IDI1: variants seen among roughly 807,000 people sequenced by gnomAD.
IDI1 encodes the protein isopentenyl-diphosphate delta isomerase 1, also known as isopentenyl-diphosphate Delta-isomerase 1.
Under a neutral mutation model 32.9 loss-of-function variants are expected in IDI1, and 23 were observed. That is an observed-to-expected ratio of 0.70 (90% CI 0.50 to 0.99). The LOEUF is 0.99. IDI1 is among the 50% of genes least tolerant of loss of function. The pLI is 0.00. For missense variants in IDI1, 326 were observed against 351.9 expected, an observed-to-expected ratio of 0.93 and a Z score of 0.59; for synonymous variants, 133 against 128.2, an observed-to-expected ratio of 1.04 and a Z score of -0.25.
At position 1,049,102 on chromosome 10, in the gene IDI1, C is replaced by G. The variant is rs1354846705; in HGVS notation, c.-99G>C. On this transcript the variant is annotated 5_prime_UTR_variant, in exon 1 of 5. Transcript: ENST00000381344. ...CTGGCCTGTGACAACGGCAGACGCG[C>G]GAAGCACCGGGAACCTGAGCCGTGA... 12 of 1,405,362 alleles carry G rather than the reference C, an allele frequency of 8.5e-6. No homozygotes were observed. The highest frequency in any genetic ancestry group is 6.4e-5 in the Admixed American group (2 of 31,462). 87.1% of individuals were successfully genotyped at this position (1,405,362 alleles called of 1,614,324 possible).
intron 2 of IDI1, chr10:1,043,659 A>G (rs1832693746): frequency 1.5e-6 from 1 of 650,322 alleles, no homozygotes; most frequent in African/African-American, 1.8e-5. Flanking sequence ...CAGTTCTCGG[A>G]AAGTGGTGAA....
intron 1 of IDI1, among the ~76,000 whole-genome samples, chr10:1,046,227 C>T (rs943259084): frequency 3.9e-5 from 6 of 152,158 alleles, no homozygotes; most frequent in Non-Finnish European, 7.4e-5. Flanking sequence ...GATGGTGTTT[C>T]GGTACACTAC....
chr10:1,042,407 A>T, intron 4 of IDI1: 1 of 460,294 alleles, frequency 2.2e-6, no homozygotes, highest in South Asian at 2.1e-5. Context: ...AACCTTATAT[A>T]GTGCTTAACA....
upstream of IDI1, among the ~76,000 whole-genome samples, chr10:1,049,889 G>A (rs772224357): frequency 2.8e-4 from 43 of 152,194 alleles, no homozygotes; most frequent in African/African-American, 4.6e-4. Context: ...CTGACCTCAA[G>A]TGATCCACCT....
upstream of IDI1, among the ~76,000 whole-genome samples, chr10:1,052,045 G>C (rs1180862429): frequency 6.6e-6 from 1 of 152,116 alleles, no homozygotes; most frequent in Non-Finnish European, 1.5e-5. Context: ...GCTAATTTTT[G>C]TATTATTAGT....
upstream of IDI1, among the ~76,000 whole-genome samples, chr10:1,054,027 TA>T (rs1176425898): frequency 2.0e-5 from 3 of 152,236 alleles, no homozygotes; most frequent in East Asian, 1.9e-4. Flanking sequence ...CTGTCTTATA[TA>T]GGGGTGGTTC....
At position 1,043,698 on chromosome 10, in the gene IDI1, C is replaced by G. The variant is rs997801298; in HGVS notation, c.313+301G>C. 2.3e-5 allele frequency: 15 copies of G among 640,384 alleles called. No individual in the cohort carries two copies. In the African/African-American group the frequency reaches 2.7e-4, roughly 11 times the overall value. The allele number at this position is 640,384 out of a possible 1,614,324, so 39.7% of individuals were successfully genotyped here. A position where few individuals can be genotyped will look rare whatever the true frequency, so the allele number is the denominator to read the frequency against. Reference sequence around the variant, plus strand: ...ACATGCTTCCCTGCATGGTGCCCGCCTCTCTCCACTCTCTAGAAATATTAG... The same window carrying G: ...ACATGCTTCCCTGCATGGTGCCCGCGTCTCTCCACTCTCTAGAAATATTAG... On this transcript the variant is annotated intron_variant, in intron 2 of 4. Transcript: ENST00000381344.
chr10:1,048,805 G>A, intron 1 of IDI1, 59 bp downstream of exon 1: 6 of 1,565,260 alleles, frequency 3.8e-6, no homozygotes, highest in Non-Finnish European at 5.2e-6. Flanking sequence ...GCCCCGTCCC[G>A]CAGCTCCCCG....
chr10:1,043,976 G>GA, intron 2 of IDI1, 23 bp downstream of exon 2: 1 of 1,600,576 alleles, frequency 6.2e-7, no homozygotes, highest in Non-Finnish European at 8.5e-7. Context: ...CGCTTTACAA[G>GA]AAAGACTGTT....
In IDI1 at chr10:1,043,295, A is replaced by C; in HGVS notation, c.406+6T>G. Reference sequence around the variant, plus strand: ...ACACAATATTGTACATTAAAAGTGTACTAACCTGGAAAGGTAATCTTAGCA... The same window carrying C: ...ACACAATATTGTACATTAAAAGTGTCCTAACCTGGAAAGGTAATCTTAGCA... On this transcript the variant is annotated splice_donor_region_variant and intron_variant, in intron 3 of 4. Transcript: ENST00000381344. 1 of 1,530,218 alleles carries C rather than the reference A, an allele frequency of 6.5e-7. No individual in the cohort carries two copies. Among genetic ancestry groups the C allele is most frequent in the Non-Finnish European group, 9.1e-7 (1 of 1,104,810 alleles). 94.8% of individuals were successfully genotyped at this position (1,530,218 alleles called of 1,614,324 possible).
upstream of IDI1, among the ~76,000 whole-genome samples, chr10:1,051,814 A>G (rs1245525331): frequency 6.6e-6 from 1 of 152,240 alleles, no homozygotes; most frequent in Non-Finnish European, 1.5e-5. Flanking sequence ...AAAATAAGAC[A>G]ATAATGAAAT....
upstream of IDI1, among the ~76,000 whole-genome samples, chr10:1,053,891 C>T (rs894449238): frequency 2.0e-5 from 3 of 152,060 alleles, no homozygotes; most frequent in Non-Finnish European, 4.4e-5. Context: ...CACCACCATG[C>T]CTGGCCCCTA....
At chr10:1,053,193 G>T (rs1833058711), upstream of IDI1, among the ~76,000 whole-genome samples, 1 of 152,182 alleles carries the variant, frequency 6.6e-6, no homozygotes, top group Non-Finnish European at 1.5e-5. Context: ...GTGGAGGCAG[G>T]GTTTCACCAT....
intron 4 of IDI1, 43 bp downstream of exon 4, chr10:1,042,589 G>A: frequency 6.2e-7 from 1 of 1,601,846 alleles, no homozygotes; most frequent in Non-Finnish European, 8.6e-7. Flanking sequence ...TTTATAGTAT[G>A]TTTAGGTTTC....
chr10:1,043,349 T>A lies in IDI1; in HGVS notation c.358A>T (p.Asn120Tyr). The change falls in exon 3 of 5, where the codon AAT becomes TAT. Residue 120 changes from asparagine (N) to tyrosine (Y), a missense_variant. Asn to Tyr is a moderately radical substitution (Grantham distance 143). Coordinates refer to ENST00000381344, the MANE Select transcript of IDI1 (RefSeq NM_004508.4). ...GATCTTTGCTGTAGCAGAAGCTTAT[T>A]TTCGGTGTTGAATAAGAAGACACTA... ...AFSVFLFNTE[N>Y]KLLLQQRSDA... The A allele has an allele frequency of 6.2e-7, 1 of 1,611,668 alleles. No individual in the cohort carries two copies. The highest frequency in any genetic ancestry group is 8.5e-7 in the Non-Finnish European group (1 of 1,177,780).
intron 4 of IDI1, 174 bp downstream of exon 4, chr10:1,042,458 A>G (rs1262910460): frequency 3.1e-6 from 2 of 639,110 alleles, no homozygotes; most frequent in African/African-American, 3.7e-5. Context: ...TTGACAAGTG[A>G]TATTAAGAAA....
chr10:1,040,909 A>T lies in IDI1; in HGVS notation c.*278T>A. ...TTCCCATAAGTATGTATCTGCAAAGATTAAATTAAGTTTTATTTGCTCGCT... is the reference window on the plus strand; with the variant it reads ...TTCCCATAAGTATGTATCTGCAAAGTTTAAATTAAGTTTTATTTGCTCGCT... On this transcript the variant is annotated 3_prime_UTR_variant, in exon 5 of 5. Transcript: ENST00000381344. 3.3e-6 allele frequency: 1 copy of T among 299,698 alleles called. No homozygotes were observed. Among genetic ancestry groups the T allele is most frequent in the Non-Finnish European group, 6.2e-6 (1 of 162,100 alleles). The allele number at this position is 299,698 out of a possible 1,614,324, so 18.6% of individuals were successfully genotyped here. A position where few individuals can be genotyped will look rare whatever the true frequency, so the allele number is the denominator to read the frequency against.
At chr10:1,043,965 T>C (rs1486180000) in intron 2 of IDI1, 34 bp downstream of exon 2, 2 of 1,584,342 alleles carry the variant, frequency 1.3e-6, no homozygotes, top group African/African-American at 1.4e-5. Flanking sequence ...CCTACACAAA[T>C]CGCTTTACAA....
chr10:1,044,292 G>T, intron 1 of IDI1, 121 bp from the exon 2 acceptor site: 1 of 692,632 alleles, frequency 1.4e-6, no homozygotes, highest in Non-Finnish European at 2.4e-6. Flanking sequence ...ATCCCCACAG[G>T]GACCCCAAGA....
Sources: gnomAD v4.1 joint callset for allele counts (sites outside exome capture counted in the v4.1 genomes callset) on GRCh38, gnomAD v4.1.1 for gene constraint, MANE v1.5 for transcripts, NCBI Gene and HGNC (gene_info 2026-07-23, HGNC 2026-07-21) for gene names.